Variants in PLCL1 observed in about 807,000 individuals in gnomAD.
PLCL1 encodes inactive phospholipase C-like protein 1.
Under a neutral mutation model 84.4 loss-of-function variants are expected in PLCL1, and 41 were observed. The observed-to-expected ratio is 0.49, with a 90% CI of 0.38 to 0.63. PLCL1 has a LOEUF of 0.63. Ranked by LOEUF, PLCL1 falls within the 30% of genes least tolerant of loss-of-function variation. The pLI is 0.00. For synonymous variants in PLCL1, 490 were observed against 488.3 expected, an observed-to-expected ratio of 1.00 and a Z score of -0.05; for missense variants, 1,206 against 1,367.8, an observed-to-expected ratio of 0.88 and a Z score of 1.87.
chr2:197,997,243 G>T (rs1034324585), intron 1 of PLCL1, among the ~76,000 whole-genome samples: 1 of 152,200 alleles, frequency 6.6e-6, no homozygotes, highest in African/African-American at 2.4e-5. Context: ...TGGGGCGGGG[G>T]CGTGAGCCCA....
At chr2:197,887,534 G>T (rs1574932256) in intron 1 of PLCL1, among the ~76,000 whole-genome samples, 1 of 152,104 alleles carries the variant, frequency 6.6e-6, no homozygotes, top group Admixed American at 6.6e-5. Context: ...GTATATGAGA[G>T]TAACTTTTTC....
intron 1 of PLCL1, among the ~76,000 whole-genome samples, chr2:198,045,686 C>T (rs149077108): frequency 2.0e-3 from 303 of 152,166 alleles, no homozygotes; most frequent in African/African-American, 6.5e-3. Flanking sequence ...TTTCAACTGC[C>T]GGAAATCAAT....
chr2:198,077,886 C>T (rs991651885), intron 1 of PLCL1, among the ~76,000 whole-genome samples: 6 of 152,184 alleles, frequency 3.9e-5, no homozygotes, highest in African/African-American at 1.4e-4. Flanking sequence ...TCATCCTTTA[C>T]TCAGTCAAGA....
chr2:198,092,174 T>G (rs1338757017), intron 3 of PLCL1, among the ~76,000 whole-genome samples: 1 of 151,438 alleles, frequency 6.6e-6, no homozygotes, highest in Non-Finnish European at 1.5e-5. Context: ...CCCATTTGCC[T>G]CTCCCAACCT....
chr2:198,003,195 G>C (rs1042686026), intron 1 of PLCL1, among the ~76,000 whole-genome samples: 1 of 151,728 alleles, frequency 6.6e-6, no homozygotes, highest in Non-Finnish European at 1.5e-5. Context: ...TTAAATAATA[G>C]ACATAATTCT....
At chr2:197,924,492 A>G (rs1374089032) in intron 1 of PLCL1, among the ~76,000 whole-genome samples, 1 of 152,150 alleles carries the variant, frequency 6.6e-6, no homozygotes, top group East Asian at 1.9e-4. Context: ...ACTAAAATGT[A>G]TGTAGATGCA....
At chr2:198,031,251 G>A (rs1691414254) in intron 1 of PLCL1, among the ~76,000 whole-genome samples, 1 of 150,872 alleles carries the variant, frequency 6.6e-6, no homozygotes, top group South Asian at 2.1e-4. Context: ...GCAAATACTT[G>A]TAGTCCTAGC....
At chr2:198,132,790 C>T (rs1322784186) in intron 5 of PLCL1, among the ~76,000 whole-genome samples, 2 of 151,950 alleles carry the variant, frequency 1.3e-5, no homozygotes, top group African/African-American at 2.4e-5. Context: ...CCTGTTCACT[C>T]TGATGGTAGT....
intron 1 of PLCL1, among the ~76,000 whole-genome samples, chr2:197,854,550 A>G (rs889474902): frequency 1.8e-4 from 27 of 152,228 alleles, no homozygotes; most frequent in Non-Finnish European, 3.2e-4. Flanking sequence ...TAGTGCAAGA[A>G]TTTGAAATAA....
chr2:197,998,863 G>A (rs1383741550), intron 1 of PLCL1, among the ~76,000 whole-genome samples: 3 of 152,130 alleles, frequency 2.0e-5, no homozygotes, highest in African/African-American at 7.2e-5. Context: ...ACTCAACGAA[G>A]GTGTGGGTGG....
At chr2:198,016,283 C>G (rs1690995379) in intron 1 of PLCL1, among the ~76,000 whole-genome samples, 1 of 152,158 alleles carries the variant, frequency 6.6e-6, no homozygotes, top group Non-Finnish European at 1.5e-5. Context: ...TCTACATGCT[C>G]ATGTTACTTG....
At position 198,095,054 on chromosome 2, in the gene PLCL1, C is replaced by T. The variant is rs866122139; in HGVS notation, c.2919+5993C>T. 1.3e-4 allele frequency among the ~76,000 whole-genome samples: 20 copies of T among 152,230 alleles called. No individual in the cohort carries two copies. The Middle Eastern group carries it at 0.01, about 78-fold the overall frequency. On this transcript the variant is annotated intron_variant, in intron 3 of 5. Coordinates refer to ENST00000428675, the MANE Select transcript of PLCL1 (RefSeq NM_006226.4). Reference sequence around the variant, plus strand: ...TCGAAGGTAGAATGGATGCCTCTTTCGCAGGCTAAATACACAAAGAGAAGA... The same window carrying T: ...TCGAAGGTAGAATGGATGCCTCTTTTGCAGGCTAAATACACAAAGAGAAGA...
intron 5 of PLCL1, among the ~76,000 whole-genome samples, chr2:198,144,012 A>G (rs1694457148): frequency 6.6e-6 from 1 of 151,916 alleles, no homozygotes; most frequent in African/African-American, 2.4e-5. Flanking sequence ...CCCATTGGCC[A>G]TTGTTTTCTA....
intron 1 of PLCL1, among the ~76,000 whole-genome samples, chr2:197,815,340 T>C (rs1016087940): frequency 2.6e-4 from 39 of 152,182 alleles, no homozygotes; most frequent in African/African-American, 8.9e-4. Flanking sequence ...TAGCATGATA[T>C]ACTAAATATT....
At chr2:198,010,153 T>C (rs1371481230) in intron 1 of PLCL1, among the ~76,000 whole-genome samples, 1 of 152,044 alleles carries the variant, frequency 6.6e-6, no homozygotes, top group Admixed American at 6.5e-5. Flanking sequence ...TTTAGGCTTT[T>C]TATTTCTTTT....
intron 1 of PLCL1, among the ~76,000 whole-genome samples, chr2:197,807,699 T>A (rs912545551): frequency 6.6e-6 from 1 of 152,242 alleles, no homozygotes; most frequent in Non-Finnish European, 1.5e-5. Flanking sequence ...GATTTTTTTT[T>A]AAATTTGGCA....
chr2:198,015,266 G>A (rs1004288413), intron 1 of PLCL1, among the ~76,000 whole-genome samples: 3 of 152,032 alleles, frequency 2.0e-5, no homozygotes, highest in Admixed American at 2.0e-4. Flanking sequence ...GAAGCATTTA[G>A]TGGGACCCCA....
intron 1 of PLCL1, among the ~76,000 whole-genome samples, chr2:197,973,155 C>T (rs1037700826): frequency 6.6e-6 from 1 of 152,168 alleles, no homozygotes; most frequent in Non-Finnish European, 1.5e-5. Flanking sequence ...TGAGGCGAGT[C>T]CCTACTGTTC....
At chr2:198,145,186 A>G (rs535024961) in intron 5 of PLCL1, among the ~76,000 whole-genome samples, 1 of 151,612 alleles carries the variant, frequency 6.6e-6, no homozygotes, top group South Asian at 2.1e-4. Context: ...TTTTTTTTTT[A>G]AATTTATGTT....
Sources: allele counts gnomAD v4.1 joint callset (sites outside exome capture counted in the v4.1 genomes callset), GRCh38; gene constraint gnomAD v4.1.1; transcripts MANE v1.5; gene names NCBI Gene and HGNC (gene_info 2026-07-23, HGNC 2026-07-21).